Variants in PAH observed in about 807,000 individuals in gnomAD.
The protein encoded by PAH is phenylalanine hydroxylase, also known as phenylalanine-4-hydroxylase.
Under a neutral mutation model 62.0 loss-of-function variants are expected in PAH, and 64 were observed. The ratio of observed to expected loss-of-function variants is 1.03; its 90% CI spans 0.84 to 1.27. The LOEUF is 1.27. Among genes scored for constraint, PAH ranks in the 50% most tolerant of loss-of-function variants. PAH has a pLI of 0.00. For missense variants in PAH, 579 were observed against 542.8 expected (o/e 1.07, Z -0.66); for synonymous variants, 195 against 196.2 (o/e 0.99, Z 0.05).
Position 102,855,318 on chromosome 12 carries a change from G to C in PAH, c.524C>G (p.Pro175Arg), listed in dbSNP as rs1325591065. Reference protein sequence around the residue: ...AYNYRHGQPIPRVEYMEEEKK... With the variant: ...AYNYRHGQPIRRVEYMEEEKK... ...TTCTTCCTCCATGTATTCCACTCGA[G>C]GGATGGGCTGCCCACTAGAATACAG... Residue 175 changes from proline to arginine, a missense_variant, in exon 6 of 13, where the codon CCT (proline) becomes CGT (arginine). Pro to Arg is a moderately radical substitution (Grantham distance 103). Coordinates refer to ENST00000553106, the MANE Select transcript of PAH (RefSeq NM_000277.3). 1.2e-6 allele frequency: 2 copies of C among 1,613,970 alleles called. No individual in the cohort carries two copies. Among genetic ancestry groups the C allele is most frequent in the Non-Finnish European group, 1.7e-6 (2 of 1,180,012 alleles).
intron 1 of PAH, among the ~76,000 whole-genome samples, chr12:102,939,107 C>T (rs1879204522): frequency 6.6e-6 from 1 of 152,086 alleles, no homozygotes; most frequent in Non-Finnish European, 1.5e-5. Context: ...CTCCTGACAC[C>T]CTGCTCTTCA....
intron 1 of PAH, among the ~76,000 whole-genome samples, chr12:102,936,463 A>G (rs73393600): frequency 0.12 from 18,269 of 152,150 alleles, 1,279 homozygotes; most frequent in African/African-American, 0.18. Flanking sequence ...GTTCTGCTCA[A>G]TGCTGAAAGT....
intron 5 of PAH, among the ~76,000 whole-genome samples, chr12:102,857,379 A>G (rs1875483988): frequency 6.6e-6 from 1 of 152,252 alleles, no homozygotes; most frequent in Admixed American, 6.5e-5. Flanking sequence ...GGAGAATGGA[A>G]CCAAGTTGGA....
intron 1 of PAH, chr12:102,946,156 C>T (rs1479388447): frequency 6.6e-6 from 1 of 152,280 alleles, no homozygotes; most frequent in East Asian, 1.9e-4. Flanking sequence ...CTCTTTATTC[C>T]TCCCTCTCCT....
intron 1 of PAH, among the ~76,000 whole-genome samples, chr12:102,940,723 G>A (rs1879257831): frequency 6.6e-6 from 1 of 152,220 alleles, no homozygotes; most frequent in East Asian, 1.9e-4. Context: ...GACAGGAAGA[G>A]AGAGCAAGCA....
In PAH at chr12:102,893,531, A is replaced by T. The variant is rs186426907; in HGVS notation, c.352+1204T>A. ...TGCTTTCAGGCTAATCATAATCATA[A>T]TAACAACCACATGCTATCATTTGTC... is the stretch of plus-strand genomic sequence containing the variant. On this transcript the variant is annotated intron_variant, in intron 3 of 12. Transcript: ENST00000553106. Among the ~76,000 whole-genome samples, 126 of 152,354 alleles carry T rather than the reference A, an allele frequency of 8.3e-4. 1 individual carries two copies. The highest frequency in any genetic ancestry group is 3.2e-3 in the Admixed American group (49 of 15,312).
At chr12:102,891,136 G>A (rs181007718) in intron 3 of PAH, among the ~76,000 whole-genome samples, 76 of 152,266 alleles carry the variant, frequency 5.0e-4, no homozygotes, top group African/African-American at 1.8e-3. Context: ...GATCCTCAGA[G>A]CTAAACATGA....
intron 6 of PAH, 170 bp downstream of exon 6, chr12:102,854,966 A>G: frequency 1.4e-6 from 1 of 693,522 alleles, no homozygotes; most frequent in Non-Finnish European, 2.6e-6. Flanking sequence ...GGCTGGAGGG[A>G]AGGCAGAGCA....
At chr12:102,841,361 T>C (rs1379852230) in intron 11 of PAH, among the ~76,000 whole-genome samples, 1 of 152,182 alleles carries the variant, frequency 6.6e-6, no homozygotes, top group Admixed American at 6.5e-5. Context: ...GCTGCTGTAC[T>C]GAAAATACAA....
upstream of PAH, among the ~76,000 whole-genome samples, chr12:102,919,412 A>G (rs1374386668): frequency 6.6e-6 from 1 of 152,226 alleles, no homozygotes; most frequent in Non-Finnish European, 1.5e-5. Context: ...TGGGGCATCC[A>G]TCCCCTCAAG....
In PAH at chr12:102,844,403, A is replaced by G. The variant is rs1344368175; in HGVS notation, c.998T>C (p.Leu333Pro). 6.2e-7 allele frequency: 1 copy of G among 1,613,590 alleles called. No homozygotes were observed. Among genetic ancestry groups the G allele is most frequent in the Non-Finnish European group, 8.5e-7 (1 of 1,179,682 alleles). The change falls in exon 10 of 13, where the codon CTC becomes CCC. Residue 333 changes from leucine to proline, a missense_variant. Physicochemically the swap from Leu to Pro is moderately conservative, Grantham distance 98. Coordinates refer to ENST00000553106, the MANE Select transcript of PAH (RefSeq NM_000277.3). ...CTTTATGGAGTCTCCTTGTTTGCAGAGCCCAAACTCCACAGTAAACCAGTA... is the reference window on the plus strand; with the variant it reads ...CTTTATGGAGTCTCCTTGTTTGCAGGGCCCAAACTCCACAGTAAACCAGTA... ...TIYWFTVEFGLCKQGDSIKAY... is the reference protein window; with the variant it reads ...TIYWFTVEFGPCKQGDSIKAY...
intron 3 of PAH, among the ~76,000 whole-genome samples, chr12:102,887,075 A>G (rs1432570759): frequency 2.0e-5 from 3 of 152,142 alleles, no homozygotes; most frequent in Non-Finnish European, 4.4e-5. Flanking sequence ...CCTGGGGGAT[A>G]TTTGTATCAA....
chr12:102,939,441 T>A (rs911858465), intron 1 of PAH, among the ~76,000 whole-genome samples: 2 of 152,140 alleles, frequency 1.3e-5, no homozygotes, highest in Admixed American at 1.3e-4. Context: ...CAGCTAAACG[T>A]TCCCATTGGC....
chr12:102,858,332 G>A lies in PAH; in HGVS notation c.510-3000C>T, dbSNP rs952998526. On this transcript the variant is annotated intron_variant, in intron 5 of 12. Coordinates refer to ENST00000553106, the MANE Select transcript of PAH (RefSeq NM_000277.3). ...AGCACCCAGATTCATAAAGCAAGTC[G>A]TTAGAGACCTACAAAGAGACTTAGA... is the stretch of plus-strand genomic sequence containing the variant. Among the ~76,000 whole-genome samples the A allele has an allele frequency of 5.3e-5, 8 of 152,194 alleles. No individual in the cohort carries two copies. In the East Asian group the frequency reaches 7.7e-4, roughly 15 times the overall value.
intron 1 of PAH, chr12:102,944,945 G>C (rs1879435633): frequency 1.3e-5 from 2 of 152,248 alleles, no homozygotes; most frequent in South Asian, 4.1e-4. Context: ...TGTAATCCAA[G>C]TTTTTGATCA....
intron 5 of PAH, 123 bp downstream of exon 5, chr12:102,866,473 G>C: frequency 2.5e-6 from 2 of 784,890 alleles, no homozygotes; most frequent in Non-Finnish European, 4.6e-6. Context: ...ATGAACACAT[G>C]CACACACAGA....
At chr12:102,915,366 T>C (rs1479358767) in intron 1 of PAH, among the ~76,000 whole-genome samples, 2 of 152,200 alleles carry the variant, frequency 1.3e-5, no homozygotes, top group Admixed American at 1.3e-4. Context: ...GGGGAAAACT[T>C]AGAGCCAAAG....
rs1207408896 is a variant in PAH, at chr12:102,838,852, T to A, written c.*323A>T. 7.6e-6 allele frequency: 3 copies of A among 393,434 alleles called. No individual in the cohort carries two copies. The highest frequency in any genetic ancestry group is 1.4e-5 in the Non-Finnish European group (3 of 213,642). 24.4% of individuals were successfully genotyped at this position (393,434 alleles called of 1,614,324 possible). ...TTATGAGTTCTCTGCAAAGCATATA[T>A]GAAGCTTGAATGAAGCAGGTCCCAA... On this transcript the variant is annotated 3_prime_UTR_variant, in exon 13 of 13. Coordinates refer to ENST00000553106, the MANE Select transcript of PAH (RefSeq NM_000277.3).
upstream of PAH, among the ~76,000 whole-genome samples, chr12:102,921,233 CTTG>C (rs1202124874): frequency 6.6e-6 from 1 of 152,148 alleles, no homozygotes; most frequent in Non-Finnish European, 1.5e-5. Context: ...AAGCTGGTGT[CTTG>C]TTGTTTTTAA....
Sources: gnomAD v4.1 joint callset for allele counts (sites outside exome capture counted in the v4.1 genomes callset) on GRCh38, gnomAD v4.1.1 for gene constraint, MANE v1.5 for transcripts, NCBI Gene and HGNC (gene_info 2026-07-23, HGNC 2026-07-21) for gene names.